The following KDM4C variants were observed in gnomAD, a reference collection of about 807,000 sequenced individuals.
The protein encoded by KDM4C is lysine demethylase 4C.
Under a neutral mutation model 129.3 loss-of-function variants are expected in KDM4C, and 81 were observed. That is an observed-to-expected ratio of 0.63 (90% CI 0.52 to 0.75). The LOEUF (loss-of-function observed/expected upper bound fraction) is 0.75, where lower values mean the gene tolerates loss of function less well. Among genes scored for constraint, KDM4C ranks in the 30% least tolerant of loss-of-function variants. KDM4C has a pLI of 0.00. For missense variants in KDM4C, 1,457 were observed against 1,304.0 expected (o/e 1.12, Z -1.81); for synonymous variants, 573 against 456.1 (o/e 1.26, Z -3.26).
intron 8 of KDM4C, among the ~76,000 whole-genome samples, chr9:6,955,249 G>A (rs1828864678): frequency 6.6e-6 from 1 of 152,220 alleles, no homozygotes; most frequent in African/African-American, 2.4e-5. Context: ...TTTTTGGTCA[G>A]TGATAGGAGA....
At chr9:6,999,851 G>A (rs1820411522) in intron 12 of KDM4C, among the ~76,000 whole-genome samples, 1 of 152,106 alleles carries the variant, frequency 6.6e-6, no homozygotes, top group Admixed American at 6.5e-5. Context: ...GCTGTGTGAT[G>A]GCTGCTGCAT....
chr9:7,175,098 C>G lies in KDM4C; in HGVS notation c.*369C>G, dbSNP rs560622244. 1 of 169,202 alleles carries G rather than the reference C, an allele frequency of 5.9e-6. No homozygotes were observed. Among genetic ancestry groups the G allele is most frequent in the African/African-American group, 2.4e-5 (1 of 42,112 alleles). The allele number at this position is 169,202 out of a possible 1,614,324, so 10.5% of individuals were successfully genotyped here. On this transcript the variant is annotated 3_prime_UTR_variant, in exon 22 of 22. Transcript: ENST00000381309. ...TGTCAGGAAACACACGGGGACCTCT[C>G]TCTCTAGCTCCAGCAGGTGGCACCT... is the stretch of plus-strand genomic sequence containing the variant.
At chr9:6,825,909 C>T (rs1350258612) in intron 4 of KDM4C, among the ~76,000 whole-genome samples, 1 of 152,198 alleles carries the variant, frequency 6.6e-6, no homozygotes, top group East Asian at 1.9e-4. Context: ...CTCCCAGGCT[C>T]AGGTGATCCT....
At chr9:6,921,931 G>A (rs1187143650) in intron 8 of KDM4C, among the ~76,000 whole-genome samples, 3 of 151,960 alleles carry the variant, frequency 2.0e-5, no homozygotes, top group South Asian at 4.2e-4. Flanking sequence ...TGCATGGCTC[G>A]GTCCCTCCCT....
intron 18 of KDM4C, among the ~76,000 whole-genome samples, chr9:7,106,395 T>C (rs1268454165): frequency 1.3e-5 from 2 of 152,210 alleles, no homozygotes; most frequent in Admixed American, 6.5e-5. Context: ...AATTGCCGAA[T>C]CATAGCAGTG....
In KDM4C at chr9:7,174,794, C is replaced by T. The variant is rs539232346; in HGVS notation, c.*65C>T. 2 of 1,420,790 alleles carry T rather than the reference C, an allele frequency of 1.4e-6. No individual in the cohort carries two copies. Among genetic ancestry groups the T allele is most frequent in the South Asian group, 1.2e-5 (1 of 81,416 alleles). 88.0% of individuals were successfully genotyped at this position (1,420,790 alleles called of 1,614,324 possible). ...GGAAGAGAGAAGATGAAGGGACATC[C>T]TTGGGGCTGTGCCGTGAGTTTTGCT... is the stretch of plus-strand genomic sequence containing the variant. On this transcript the variant is annotated 3_prime_UTR_variant, in exon 22 of 22. Transcript: ENST00000381309.
At chr9:7,018,577 G>C (rs1586946589) in intron 15 of KDM4C, among the ~76,000 whole-genome samples, 2 of 152,320 alleles carry the variant, frequency 1.3e-5, no homozygotes, top group Admixed American at 6.5e-5. Flanking sequence ...TTAGAAGTTA[G>C]AGATTATCTG....
chr9:6,742,578 T>C (rs570268377), intron 1 of KDM4C, among the ~76,000 whole-genome samples: 264 of 149,166 alleles, frequency 1.8e-3, no homozygotes, highest in African/African-American at 6.0e-3. Context: ...TTTTTTGTAC[T>C]GCACTTTTTC....
chr9:6,791,143 A>G (rs1455626771), intron 1 of KDM4C, among the ~76,000 whole-genome samples: 2 of 151,474 alleles, frequency 1.3e-5, no homozygotes, highest in Non-Finnish European at 2.9e-5. Context: ...TTCCTGTGTC[A>G]CTCCATCACC....
At chr9:7,071,579 A>G (rs1478063245) in intron 17 of KDM4C, among the ~76,000 whole-genome samples, 2 of 152,192 alleles carry the variant, frequency 1.3e-5, no homozygotes, top group Non-Finnish European at 2.9e-5. Context: ...AATACATAAA[A>G]TTGAATCTTG....
Position 6,793,107 on chromosome 9 carries a change from G to T in KDM4C, c.119G>T (p.Gly40Val). ...NKYLAYMESK[G>V]AHRAGLAKVI... ...TACCTTGCATACATGGAGTCTAAAGGAGCCCATCGTGCGGGTCTTGCAAAG... is the reference window on the plus strand; with the variant it reads ...TACCTTGCATACATGGAGTCTAAAGTAGCCCATCGTGCGGGTCTTGCAAAG... The change falls in exon 2 of 22, where the codon GGA (glycine) becomes GTA (valine). Residue 40 changes from glycine (G) to valine (V), a missense_variant. Physicochemically the swap from Gly to Val is moderately radical, Grantham distance 109 (BLOSUM62 -3). Coordinates refer to ENST00000381309, the MANE Select transcript of KDM4C (RefSeq NM_015061.6). 1 of 1,614,068 alleles carries T rather than the reference G, an allele frequency of 6.2e-7. No homozygotes were observed. The highest frequency in any genetic ancestry group is 8.5e-7 in the Non-Finnish European group (1 of 1,180,004).
chr9:6,963,050 A>C (rs1830289589), intron 8 of KDM4C, among the ~76,000 whole-genome samples: 1 of 152,200 alleles, frequency 6.6e-6, no homozygotes, highest in African/African-American at 2.4e-5. Context: ...TGTGTCCACC[A>C]TGAACTTTAT....
chr9:7,156,868 A>G (rs1843231323), intron 19 of KDM4C, among the ~76,000 whole-genome samples: 1 of 152,178 alleles, frequency 6.6e-6, no homozygotes, highest in Non-Finnish European at 1.5e-5. Flanking sequence ...ACTTTAAAGT[A>G]GTTTTTTCCA....
intron 5 of KDM4C, among the ~76,000 whole-genome samples, chr9:6,859,725 G>C (rs957599620): frequency 6.6e-6 from 1 of 151,384 alleles, no homozygotes; most frequent in Non-Finnish European, 1.5e-5. Context: ...ATTTAGCCGG[G>C]CGTGGTTGCA....
At chr9:6,891,837 T>G (rs887133476) in intron 7 of KDM4C, among the ~76,000 whole-genome samples, 3 of 152,178 alleles carry the variant, frequency 2.0e-5, no homozygotes, top group African/African-American at 7.2e-5. Flanking sequence ...AATAAATATA[T>G]TTCTTCCTTA....
chr9:6,914,826 C>A lies in KDM4C; in HGVS notation c.921+21594C>A, dbSNP rs10975893. Among the ~76,000 whole-genome samples, 4 of 152,344 alleles carry A rather than the reference C, an allele frequency of 2.6e-5. No individual in the cohort carries two copies. The East Asian group carries it at 5.8e-4, about 22-fold the overall frequency. On this transcript the variant is annotated intron_variant, in intron 8 of 21. Transcript: ENST00000381309. The stretch of plus-strand genomic sequence containing the variant: ...CTTTGAAGCAGAGCATGGGCCCTCG[C>A]CAGACACCAAATCTGCTGGCACCTT...
intron 1 of KDM4C, among the ~76,000 whole-genome samples, chr9:6,746,049 G>T (rs1362630472): frequency 1.3e-5 from 2 of 151,580 alleles, no homozygotes; most frequent in African/African-American, 2.4e-5. Flanking sequence ...CAGGTGATCC[G>T]CCTGCCTCAG....
rs190419486 is a variant in KDM4C at position 6,765,707 on chromosome 9, T to A, written c.-18+7504T>A. On this transcript the variant is annotated intron_variant, in intron 1 of 21. Transcript: ENST00000381309. Reference sequence around the variant, plus strand: ...CGCATTGGGAAATACATCTTACCCATCGTGACCCAACACACATAAATATAT... The same window carrying A: ...CGCATTGGGAAATACATCTTACCCAACGTGACCCAACACACATAAATATAT... Among the ~76,000 whole-genome samples the A allele has an allele frequency of 5.3e-4, 80 of 152,234 alleles. No individual in the cohort carries two copies. In the East Asian group the frequency reaches 0.011, roughly 20 times the overall value.
At chr9:6,769,980 A>C (rs1821415656) in intron 1 of KDM4C, among the ~76,000 whole-genome samples, 1 of 152,098 alleles carries the variant, frequency 6.6e-6, no homozygotes, top group Non-Finnish European at 1.5e-5. Context: ...CAGGAGTTTG[A>C]GACCAGCCTG....
Sources: allele counts gnomAD v4.1 joint callset (sites outside exome capture counted in the v4.1 genomes callset), GRCh38; gene constraint gnomAD v4.1.1; transcripts MANE v1.5; gene names NCBI Gene and HGNC (gene_info 2026-07-23, HGNC 2026-07-21).